Variants in ANXA8 observed in about 807,000 individuals in gnomAD.
ANXA8 encodes VAC-beta.
A neutral mutation model predicts 26.8 loss-of-function variants in ANXA8; 9 were observed. The observed-to-expected ratio is 0.34, with a 90% CI of 0.20 to 0.59. The LOEUF is 0.59. ANXA8 is among the 20% of genes least tolerant of loss of function. The pLI is 0.84. For synonymous variants in ANXA8, 39 were observed against 94.8 expected (o/e 0.41, Z 3.42); for missense variants, 83 against 238.5 (o/e 0.35, Z 4.29).
At chr10:47,661,176 A>G in the ANXA8 span, among the ~76,000 whole-genome samples, 3 of 121,038 alleles carry the variant, frequency 2.5e-5, no homozygotes, top group East Asian at 2.1e-4. Context: ...TACTGGCCCA[A>G]CCAGAAATAG....
the ANXA8 span, among the ~76,000 whole-genome samples, chr10:47,937,754 A>G: frequency 6.8e-6 from 1 of 146,608 alleles, no homozygotes; most frequent in African/African-American, 2.5e-5. Context: ...TGCTAAGGAT[A>G]ATGGCCTCCA....
the ANXA8 span, among the ~76,000 whole-genome samples, chr10:47,721,346 A>G: frequency 7.2e-6 from 1 of 139,426 alleles, no homozygotes; most frequent in Non-Finnish European, 1.6e-5. Context: ...AGTTTACAAA[A>G]TGACTGTTCA....
the ANXA8 span, among the ~76,000 whole-genome samples, chr10:47,548,521 G>A: frequency 2.9e-4 from 44 of 152,132 alleles, no homozygotes; most frequent in South Asian, 6.9e-3. Context: ...GGCTGGTCTC[G>A]AACTCCCGAC....
chr10:47,476,174 G>A, intron 5 of ANXA8, 58 bp downstream of exon 5: 2 of 297,532 alleles, frequency 6.7e-6, no homozygotes, highest in South Asian at 5.0e-5. Flanking sequence ...CTTGTTCCCT[G>A]CCAGGCTGCC....
chr10:47,717,999 A>G, the ANXA8 span, among the ~76,000 whole-genome samples: 126 of 6,182 alleles, frequency 0.02, no homozygotes, highest in African/African-American at 0.072. Flanking sequence ...CTCTGTCTCA[A>G]AAAAAAAAAA....
the ANXA8 span, among the ~76,000 whole-genome samples, chr10:47,987,867 T>C: frequency 1.1e-5 from 1 of 88,552 alleles, no homozygotes; most frequent in East Asian, 3.6e-4. Flanking sequence ...GGGAGGGAAT[T>C]GGTCTGTATG....
the ANXA8 span, among the ~76,000 whole-genome samples, chr10:47,945,063 T>C: frequency 6.7e-6 from 1 of 150,368 alleles, no homozygotes; most frequent in South Asian, 2.1e-4. Flanking sequence ...GTGGAGAGCT[T>C]CTATGTCACT....
At chr10:47,563,846 G>A in the ANXA8 span, among the ~76,000 whole-genome samples, 10 of 151,832 alleles carry the variant, frequency 6.6e-5, no homozygotes, top group Admixed American at 2.6e-4. Context: ...TCTAAATTAA[G>A]ATATAGCCTT....
At chr10:47,979,261 T>C in the ANXA8 span, among the ~76,000 whole-genome samples, 1 of 151,632 alleles carries the variant, frequency 6.6e-6, no homozygotes, top group East Asian at 1.9e-4. Context: ...ATAGAACAAC[T>C]AGGCAGAAGA....
chr10:47,501,373 G>A, the ANXA8 span, among the ~76,000 whole-genome samples: 4 of 143,970 alleles, frequency 2.8e-5, no homozygotes, highest in Non-Finnish European at 4.5e-5. Flanking sequence ...ATCTCAACTA[G>A]CTGACATTAT....
chr10:47,676,396 G>A, the ANXA8 span, among the ~76,000 whole-genome samples: 1 of 151,782 alleles, frequency 6.6e-6, no homozygotes, highest in South Asian at 2.1e-4. Context: ...CCATATATAG[G>A]CATATCATAA....
At chr10:47,675,811 A>T in the ANXA8 span, among the ~76,000 whole-genome samples, 1 of 151,726 alleles carries the variant, frequency 6.6e-6, no homozygotes, top group Non-Finnish European at 1.5e-5. Context: ...TTTATCAGAC[A>T]GGGATTTAAA....
At chr10:47,563,897 G>A in the ANXA8 span, among the ~76,000 whole-genome samples, 1 of 151,428 alleles carries the variant, frequency 6.6e-6, no homozygotes, top group Non-Finnish European at 1.5e-5. Flanking sequence ...GAGCTAATTG[G>A]ATTTTAAGTC....
the ANXA8 span, among the ~76,000 whole-genome samples, chr10:47,676,976 T>G: frequency 9.2e-6 from 1 of 109,172 alleles, no homozygotes; most frequent in South Asian, 3.0e-4. Flanking sequence ...TGGGATGACA[T>G]CCATAAAGAG....
chr10:47,572,982 A>G, the ANXA8 span, among the ~76,000 whole-genome samples: 1,799 of 148,982 alleles, frequency 0.012, 16 homozygotes, highest in African/African-American at 0.042. Context: ...CCCTTCTCCA[A>G]TTGGAATTGT....
chr10:47,650,723 T>C, the ANXA8 span, among the ~76,000 whole-genome samples: 10 of 141,364 alleles, frequency 7.1e-5, no homozygotes, highest in Middle Eastern at 3.6e-3. Flanking sequence ...AGGAGAATGG[T>C]TTAAACCCAG....
the ANXA8 span, among the ~76,000 whole-genome samples, chr10:47,628,497 A>C: frequency 6.6e-6 from 1 of 151,184 alleles, no homozygotes; most frequent in Non-Finnish European, 1.5e-5. Context: ...ATTTAAAATC[A>C]ACATTAGTAT....
the ANXA8 span, among the ~76,000 whole-genome samples, chr10:47,742,990 T>TA: frequency 0.016 from 1,426 of 91,452 alleles, 9 homozygotes; most frequent in African/African-American, 0.034. Context: ...CCGTCTCTAC[T>TA]AAAAAAAAAA....
the ANXA8 span, among the ~76,000 whole-genome samples, chr10:47,547,960 T>C: frequency 7.1e-6 from 1 of 141,666 alleles, no homozygotes; most frequent in Non-Finnish European, 1.5e-5. Context: ...GTGTTTAAAA[T>C]TAGAAACTTG....
Sources: allele counts gnomAD v4.1 joint callset (sites outside exome capture counted in the v4.1 genomes callset), GRCh38; gene constraint gnomAD v4.1.1; transcripts MANE v1.5; gene names NCBI Gene and HGNC (gene_info 2026-07-23, HGNC 2026-07-21).